NIPA2: variants seen among roughly 807,000 people sequenced by gnomAD.
The protein encoded by NIPA2 is NIPA magnesium transporter 2.
Under a neutral mutation model 29.7 loss-of-function variants are expected in NIPA2, and 11 were observed. The ratio of observed to expected loss-of-function variants is 0.37; its 90% CI spans 0.23 to 0.61. The LOEUF (loss-of-function observed/expected upper bound fraction) is 0.61. Ranked by LOEUF, NIPA2 falls within the 20% of genes least tolerant of loss-of-function variation. The pLI is 0.66. For missense variants in NIPA2, 426 were observed against 437.9 expected, an observed-to-expected ratio of 0.97 and a Z score of 0.24; for synonymous variants, 183 against 161.9, an observed-to-expected ratio of 1.13 and a Z score of -0.99.
chr15:22,844,369 G>A lies in NIPA2; in HGVS notation c.-215-777G>A, dbSNP rs370656744. On this transcript the variant is annotated intron_variant, in intron 2 of 7. Transcript: ENST00000337451. ...AAGTCAGGAGTTCGAGACCAGCCTG[G>A]CCAACATAGTGAAACCCCGTCTCTA... is the stretch of plus-strand genomic sequence containing the variant. Among the ~76,000 whole-genome samples the A allele has an allele frequency of 1.1e-4, 16 of 152,052 alleles. No individual in the cohort carries two copies. The East Asian group carries it at 2.5e-3, about 24-fold the overall frequency.
intron 6 of NIPA2, among the ~76,000 whole-genome samples, chr15:22,859,400 C>T (rs1273496316): frequency 6.7e-6 from 1 of 148,610 alleles, no homozygotes; most frequent in Non-Finnish European, 1.5e-5. Flanking sequence ...TCACACCATT[C>T]TCCTGCCACA....
chr15:22,843,798 C>G (rs1162987397), intron 2 of NIPA2, among the ~76,000 whole-genome samples: 2 of 151,896 alleles, frequency 1.3e-5, no homozygotes, highest in Admixed American at 1.3e-4. Flanking sequence ...TTACAGGCAC[C>G]CGCCCTCATG....
intron 7 of NIPA2, among the ~76,000 whole-genome samples, chr15:22,863,635 A>G (rs1317732675): frequency 6.6e-6 from 1 of 152,032 alleles, no homozygotes; most frequent in Non-Finnish European, 1.5e-5. Flanking sequence ...TGGGCTCACT[A>G]CTCTATAGTT....
intron 5 of NIPA2, among the ~76,000 whole-genome samples, chr15:22,854,471 G>A (rs192679760): frequency 9.2e-5 from 14 of 151,572 alleles, no homozygotes; most frequent in Middle Eastern, 3.4e-3. Context: ...TGGGCCGGGC[G>A]CGGTGGCTCA....
At chr15:22,859,167 C>CTT (rs1471078317) in intron 6 of NIPA2, among the ~76,000 whole-genome samples, 1 of 152,108 alleles carries the variant, frequency 6.6e-6, no homozygotes, top group Non-Finnish European at 1.5e-5. Context: ...GAGCGAGACT[C>CTT]TGTCTCAAAA....
rs772613763 is a variant in NIPA2 at position 22,861,265 on chromosome 15, CA to C, written c.448+479del. Reference sequence around the variant, plus strand: ...TAATTCTACTCTCAGTAATTTCAAACAAAGAGGTATTCTTTGTTTCATCTCT... The same window carrying C: ...TAATTCTACTCTCAGTAATTTCAAACAAGAGGTATTCTTTGTTTCATCTCT... On this transcript the variant is annotated intron_variant, in intron 7 of 7. Coordinates refer to ENST00000337451, the MANE Select transcript of NIPA2 (RefSeq NM_030922.7). 2.6e-5 allele frequency among the ~76,000 whole-genome samples: 4 copies of C among 152,204 alleles called. No homozygotes were observed. The East Asian group carries it at 7.7e-4, about 29-fold the overall frequency.
chr15:22,857,516 A>G (rs2058274159), intron 5 of NIPA2, among the ~76,000 whole-genome samples: 1 of 150,726 alleles, frequency 6.6e-6, no homozygotes, highest in Non-Finnish European at 1.5e-5. Flanking sequence ...CTAGAACAGG[A>G]CCTGGTGTAT....
At chr15:22,841,548 GC>G (rs1555377276) in intron 2 of NIPA2, among the ~76,000 whole-genome samples, 1 of 151,734 alleles carries the variant, frequency 6.6e-6, no homozygotes, top group Non-Finnish European at 1.5e-5. Flanking sequence ...TGCTCTTGTT[GC>G]CCAGGCTAGA....
chr15:22,856,105 T>C (rs1013566763), intron 5 of NIPA2, among the ~76,000 whole-genome samples: 2 of 152,146 alleles, frequency 1.3e-5, no homozygotes, highest in African/African-American at 4.8e-5. Flanking sequence ...CAGGCAGCCA[T>C]GGAGAGCTCC....
At chr15:22,859,184 TA>T (rs1205078471) in intron 6 of NIPA2, among the ~76,000 whole-genome samples, 1 of 151,518 alleles carries the variant, frequency 6.6e-6, no homozygotes, top group African/African-American at 2.4e-5. Flanking sequence ...AAAAAATAAA[TA>T]AATAAAAAAT....
intron 2 of NIPA2, among the ~76,000 whole-genome samples, chr15:22,840,378 A>G (rs1362737295): frequency 6.7e-6 from 1 of 149,704 alleles, no homozygotes; most frequent in Non-Finnish European, 1.5e-5. Flanking sequence ...GCTCACTGCA[A>G]CCTCCGCCTC....
intron 4 of NIPA2, 43 bp downstream of exon 4, chr15:22,851,913 A>G (rs376843738): frequency 5.3e-5 from 82 of 1,533,474 alleles, no homozygotes; most frequent in East Asian, 2.5e-4. Flanking sequence ...CTCAGTGTCT[A>G]CCTACATGCA....
At chr15:22,849,705 G>A (rs34496250) in intron 3 of NIPA2, among the ~76,000 whole-genome samples, 30,815 of 151,692 alleles carry the variant, frequency 0.2, 3,376 homozygotes, top group Admixed American at 0.31. Context: ...AACTACAGGC[G>A]CCTGCCACCA....
At chr15:22,857,398 G>A (rs1246442429) in intron 5 of NIPA2, among the ~76,000 whole-genome samples, 4 of 148,758 alleles carry the variant, frequency 2.7e-5, no homozygotes, top group Admixed American at 6.8e-5. Context: ...GATCACGCAC[G>A]CCATTGCAGT....
chr15:22,848,003 G>A (rs1046490100), intron 3 of NIPA2, among the ~76,000 whole-genome samples: 9 of 150,282 alleles, frequency 6.0e-5, no homozygotes, highest in Non-Finnish European at 1.2e-4. Flanking sequence ...TCTCCATGTT[G>A]GTCAGGCTGG....
At chr15:22,857,433 T>C (rs535708716) in intron 5 of NIPA2, among the ~76,000 whole-genome samples, 1 of 131,880 alleles carries the variant, frequency 7.6e-6, no homozygotes, top group South Asian at 2.4e-4. Flanking sequence ...AGAGCGAGAC[T>C]CTGTCTCAAA....
At chr15:22,865,425 G>A (rs758533384) in intron 7 of NIPA2, among the ~76,000 whole-genome samples, 171 of 151,982 alleles carry the variant, frequency 1.1e-3, no homozygotes, top group Non-Finnish European at 2.1e-3. Context: ...GGCGGAGCTT[G>A]CAGTGAGCCG....
chr15:22,858,673 AG>A, intron 6 of NIPA2, 43 bp downstream of exon 6: 1 of 1,218,692 alleles, frequency 8.2e-7, no homozygotes, highest in Non-Finnish European at 1.1e-6. Flanking sequence ...TCGGTATCTT[AG>A]TTTCTAAAAT....
At chr15:22,841,279 CTG>C (rs1463156757) in intron 2 of NIPA2, among the ~76,000 whole-genome samples, 2 of 152,152 alleles carry the variant, frequency 1.3e-5, no homozygotes, top group Non-Finnish European at 2.9e-5. Context: ...AAAGATTTAT[CTG>C]TGTTGTAGAA....
Sources: gnomAD v4.1 joint callset for allele counts (sites outside exome capture counted in the v4.1 genomes callset) on GRCh38, gnomAD v4.1.1 for gene constraint, MANE v1.5 for transcripts, NCBI Gene and HGNC (gene_info 2026-07-23, HGNC 2026-07-21) for gene names.